Variants in FOXP2 observed in about 807,000 individuals in gnomAD.
FOXP2 encodes forkhead box P2.
Under a neutral mutation model 115.8 loss-of-function variants are expected in FOXP2, and 12 were observed. The observed-to-expected ratio is 0.10, with a 90% CI of 0.07 to 0.17. FOXP2 has a LOEUF of 0.17. FOXP2 is among the 10% of genes least tolerant of loss of function. The pLI, the probability that FOXP2 is intolerant of heterozygous loss-of-function variation, is 1.00. For synonymous variants in FOXP2, 328 were observed against 297.7 expected (o/e 1.10, Z -1.05); for missense variants, 629 against 843.5 (o/e 0.75, Z 3.15).
chr7:114,274,005 C>T (rs1251710529), intron 1 of FOXP2, among the ~76,000 whole-genome samples: 1 of 151,806 alleles, frequency 6.6e-6, no homozygotes, highest in African/African-American at 2.4e-5. Flanking sequence ...TCCTATTTTT[C>T]TTCCATTTTT....
intron 1 of FOXP2, among the ~76,000 whole-genome samples, chr7:114,230,108 A>G (rs1794837039): frequency 6.6e-6 from 1 of 152,002 alleles, no homozygotes; most frequent in South Asian, 2.1e-4. Flanking sequence ...ATTATACACC[A>G]TCATACTGGA....
At chr7:114,559,887 T>TAAAA (rs375821980) in intron 3 of FOXP2, among the ~76,000 whole-genome samples, 7,759 of 144,196 alleles carry the variant, frequency 0.054, 336 homozygotes, top group Non-Finnish European at 0.082. Flanking sequence ...AGATTCCATC[T>TAAAA]TAAAAAAAAA....
At chr7:114,221,501 G>A (rs1379866501) in intron 1 of FOXP2, among the ~76,000 whole-genome samples, 1 of 152,028 alleles carries the variant, frequency 6.6e-6, no homozygotes, top group African/African-American at 2.4e-5. Flanking sequence ...TTCGTTCTAG[G>A]CACAACTGGT....
chr7:114,593,513 G>A (rs551658171), intron 3 of FOXP2, among the ~76,000 whole-genome samples: 35 of 151,998 alleles, frequency 2.3e-4, no homozygotes, highest in African/African-American at 7.5e-4. Flanking sequence ...TATGATCAAT[G>A]ATAAAAATCA....
chr7:114,643,081 G>A (rs1228423071), intron 7 of FOXP2, among the ~76,000 whole-genome samples: 5 of 151,682 alleles, frequency 3.3e-5, no homozygotes, highest in Admixed American at 3.3e-4. Context: ...AAAGTGCTGG[G>A]ATTACAGGCG....
chr7:114,301,271 A>G (rs1796873180), intron 2 of FOXP2, among the ~76,000 whole-genome samples: 1 of 152,118 alleles, frequency 6.6e-6, no homozygotes, highest in Non-Finnish European at 1.5e-5. Flanking sequence ...TGGAAAGTTC[A>G]TTCTATATTA....
rs180673281 is a variant in FOXP2, at chr7:114,329,572, T to C, written c.-11+41463T>C. On this transcript the variant is annotated intron_variant, in intron 2 of 17. Coordinates refer to the FOXP2 transcript ENST00000634411. The stretch of plus-strand genomic sequence containing the variant: ...AAATTGTGTTATCTGAAAAAACATA[T>C]TTGATGAGCATAGGCTTTTACCTTA... 1.3e-4 allele frequency among the ~76,000 whole-genome samples: 20 copies of C among 151,692 alleles called. No homozygotes were observed. The East Asian group carries it at 3.9e-3, about 29-fold the overall frequency.
At chr7:114,348,325 T>A (rs530903320) in intron 2 of FOXP2, among the ~76,000 whole-genome samples, 1 of 152,144 alleles carries the variant, frequency 6.6e-6, no homozygotes, top group Admixed American at 6.6e-5. Context: ...TTCTTTTTTA[T>A]CCTTTACTGT....
chr7:114,347,219 A>G (rs994764921), intron 2 of FOXP2, among the ~76,000 whole-genome samples: 4 of 151,908 alleles, frequency 2.6e-5, no homozygotes, highest in African/African-American at 4.8e-5. Context: ...AATTGAAATT[A>G]TACTTTTGTT....
At chr7:114,344,659 G>A (rs1333881329) in intron 2 of FOXP2, among the ~76,000 whole-genome samples, 1 of 151,778 alleles carries the variant, frequency 6.6e-6, no homozygotes, top group Non-Finnish European at 1.5e-5. Flanking sequence ...CATACATAGA[G>A]TAGTTATTCT....
chr7:114,107,728 G>A (rs569737726), intron 1 of FOXP2, among the ~76,000 whole-genome samples: 3 of 152,044 alleles, frequency 2.0e-5, no homozygotes, highest in Non-Finnish European at 2.9e-5. Flanking sequence ...CTGTGTGTGG[G>A]TAGTAACTAT....
chr7:114,379,108 G>A (rs1439264441), intron 2 of FOXP2, among the ~76,000 whole-genome samples: 1 of 152,028 alleles, frequency 6.6e-6, no homozygotes. Flanking sequence ...AGATTTAATA[G>A]AGTGAAATAG....
At chr7:114,659,804 A>G (rs1312794154) in intron 13 of FOXP2, 131 bp downstream of exon 13, 4 of 741,724 alleles carry the variant, frequency 5.4e-6, no homozygotes, top group Admixed American at 2.0e-5. Context: ...CTTGAATGGA[A>G]TGAATTCCCT....
At position 114,345,580 on chromosome 7, in the gene FOXP2, G is replaced by A. The variant is rs139527904; in HGVS notation, c.-11+57471G>A. Among the ~76,000 whole-genome samples the A allele has an allele frequency of 1.8e-3, 280 of 151,818 alleles. 1 individual carries two copies. The highest frequency in any genetic ancestry group is 6.4e-3 in the African/African-American group (266 of 41,474). On this transcript the variant is annotated intron_variant, in intron 2 of 17. Transcript: ENST00000634411. ...TGTTCATGTTCTGAATTTCTTTAGT[G>A]TTCCTAGTATGGCTGTTGAAATCTA...
intron 3 of FOXP2, among the ~76,000 whole-genome samples, chr7:114,609,948 G>A (rs1014543558): frequency 2.0e-5 from 3 of 152,062 alleles, no homozygotes; most frequent in Admixed American, 6.6e-5. Context: ...TTGATTCTCC[G>A]TTTTGTAAAA....
intron 1 of FOXP2, among the ~76,000 whole-genome samples, chr7:114,224,155 T>G (rs903024867): frequency 1.3e-5 from 2 of 152,182 alleles, no homozygotes; most frequent in Admixed American, 6.5e-5. Flanking sequence ...AATTTTCTTC[T>G]ATTGGTAAAT....
At chr7:114,116,843 C>T (rs1023493556) in intron 1 of FOXP2, among the ~76,000 whole-genome samples, 1 of 152,092 alleles carries the variant, frequency 6.6e-6, no homozygotes, top group African/African-American at 2.4e-5. Flanking sequence ...CCTTCAGTCT[C>T]CCGCTCTTCA....
intron 1 of FOXP2, among the ~76,000 whole-genome samples, chr7:114,182,245 CTG>C (rs1212346298): frequency 1.3e-5 from 2 of 151,562 alleles, no homozygotes; most frequent in Non-Finnish European, 1.5e-5. Flanking sequence ...AGTAATGTAA[CTG>C]ATTTTTTTAA....
intron 2 of FOXP2, among the ~76,000 whole-genome samples, chr7:114,431,507 T>A (rs567876607): frequency 2.1e-4 from 32 of 152,048 alleles, no homozygotes; most frequent in Non-Finnish European, 3.8e-4. Context: ...GCAAATTAAG[T>A]GGCTGACACT....
Sources: gnomAD v4.1 joint callset for allele counts (sites outside exome capture counted in the v4.1 genomes callset) on GRCh38, gnomAD v4.1.1 for gene constraint, MANE v1.5 for transcripts, NCBI Gene and HGNC (gene_info 2026-07-23, HGNC 2026-07-21) for gene names.